Variants in MAP4K4 observed in about 807,000 individuals in gnomAD.
MAP4K4 encodes HPK/GCK-like kinase HGK.
MAP4K4 carries 38 observed loss-of-function variants against 189.6 expected under a neutral mutation model. The ratio of observed to expected loss-of-function variants is 0.20; its 90% CI spans 0.15 to 0.26. The LOEUF (loss-of-function observed/expected upper bound fraction) is 0.26, where lower values mean the gene tolerates loss of function less well. Ranked by LOEUF, MAP4K4 falls within the 10% of genes least tolerant of loss-of-function variation. MAP4K4 has a pLI of 1.00. For missense variants in MAP4K4, 1,054 were observed against 1,726.9 expected (o/e 0.61, Z 6.91); for synonymous variants, 610 against 624.3 (o/e 0.98, Z 0.34).
chr2:101,785,985 C>T (rs1216934722), intron 2 of MAP4K4, among the ~76,000 whole-genome samples: 1 of 152,034 alleles, frequency 6.6e-6, no homozygotes, highest in African/African-American at 2.4e-5. Flanking sequence ...GCCACCATGC[C>T]TGGCTGATTT....
exon 4 of MAP4K4, chr2:101,824,047 A>G (rs753752266): frequency 2.0e-6 from 3 of 1,496,046 alleles, no homozygotes; most frequent in East Asian, 2.9e-5. Flanking sequence ...ATGATGACCA[A>G]CTCTGGGTAG....
intron 2 of MAP4K4, among the ~76,000 whole-genome samples, chr2:101,758,990 G>A (rs894923475): frequency 1.1e-4 from 16 of 151,872 alleles, no homozygotes; most frequent in Admixed American, 3.9e-4. Flanking sequence ...AAAATTAGCC[G>A]GGCGTGGTGG....
intron 2 of MAP4K4, among the ~76,000 whole-genome samples, chr2:101,779,325 T>C (rs1425296469): frequency 6.6e-6 from 1 of 152,182 alleles, no homozygotes; most frequent in Non-Finnish European, 1.5e-5. Flanking sequence ...TTATGCAGAG[T>C]AGTCAGGGAA....
chr2:101,863,961 G>A (rs747443111), exon 17 of MAP4K4: 2 of 1,367,562 alleles, frequency 1.5e-6, no homozygotes, highest in Non-Finnish European at 2.0e-6. Context: ...GCAGTGAGGT[G>A]CTCAGTCAGA....
intron 15 of MAP4K4, 24 bp downstream of exon 15, chr2:101,859,888 A>G: frequency 6.4e-7 from 1 of 1,573,160 alleles, no homozygotes. Context: ...TTTGTCACTT[A>G]GACATTGCCC....
chr2:101,754,083 A>G (rs1041809932), intron 2 of MAP4K4, among the ~76,000 whole-genome samples: 12 of 152,184 alleles, frequency 7.9e-5, no homozygotes, highest in African/African-American at 2.7e-4. Context: ...TCAAATAATG[A>G]CATTGCTTTT....
chr2:101,803,911 C>A (rs2094636268), intron 3 of MAP4K4, among the ~76,000 whole-genome samples: 1 of 152,174 alleles, frequency 6.6e-6, no homozygotes, highest in Non-Finnish European at 1.5e-5. Context: ...AGAGAGTTGA[C>A]TTCTGTGGGT....
chr2:101,797,656 T>C (rs2148915922), intron 3 of MAP4K4, among the ~76,000 whole-genome samples: 1 of 151,448 alleles, frequency 6.6e-6, no homozygotes, highest in East Asian at 1.9e-4. Context: ...AGGCCACAAG[T>C]TTATTTATTT....
intron 2 of MAP4K4, among the ~76,000 whole-genome samples, chr2:101,767,901 C>T (rs2079350165): frequency 6.6e-6 from 1 of 152,174 alleles, no homozygotes; most frequent in Non-Finnish European, 1.5e-5. Context: ...TCCCCTCACC[C>T]CCCCTTACTT....
chr2:101,750,955 A>G (rs2068590111), intron 2 of MAP4K4, among the ~76,000 whole-genome samples: 1 of 152,034 alleles, frequency 6.6e-6, no homozygotes, highest in Non-Finnish European at 1.5e-5. Flanking sequence ...CTACCTTTTT[A>G]TCTTTTCACT....
rs374093343 is a variant in MAP4K4, at chr2:101,779,159, CCCTT to C, written c.124-11556_124-11553del. On this transcript the variant is annotated intron_variant, in intron 2 of 32. Transcript: ENST00000324219. Reference sequence around the variant, plus strand: ...CACACAGTGAGTGCTTCTTTATCGGCCCTTCCTTTGTGGAGTGAGAGAGGAGGTT... The same window carrying C: ...CACACAGTGAGTGCTTCTTTATCGGCCCTTTGTGGAGTGAGAGAGGAGGTT... Among the ~76,000 whole-genome samples, 284 of 151,620 alleles carry C rather than the reference CCCTT, an allele frequency of 1.9e-3. 2 individuals are homozygous for C. Among genetic ancestry groups the C allele is most frequent in the African/African-American group, 6.1e-3 (252 of 41,498 alleles).
At chr2:101,790,632 C>A in intron 2 of MAP4K4, 88 bp from the exon 3 acceptor site, 2 of 896,522 alleles carry the variant, frequency 2.2e-6, no homozygotes, top group Non-Finnish European at 3.6e-6. Context: ...AGTTGAGATA[C>A]GATTTGTTGG....
intron 11 of MAP4K4, among the ~76,000 whole-genome samples, chr2:101,843,764 G>GAAAAA (rs951355499): frequency 2.0e-5 from 3 of 150,942 alleles, no homozygotes; most frequent in African/African-American, 7.3e-5. Context: ...GTTTGCTGAA[G>GAAAAA]AAAAAAAAAG....
Position 101,877,334 on chromosome 2 carries a change from G to C in MAP4K4, c.3385+188G>C, listed in dbSNP as rs565240389. 2.6e-5 allele frequency among the ~76,000 whole-genome samples: 4 copies of C among 152,246 alleles called. No individual in the cohort carries two copies. In the East Asian group the frequency reaches 7.7e-4, roughly 29 times the overall value. ...GACACACACGCCCATTTGATCTCTG[G>C]CTCCTCCGAAAGCAGTCTTGAGAAG... On this transcript the variant is annotated intron_variant, in intron 27 of 32. Coordinates refer to ENST00000324219, the Ensembl canonical transcript of MAP4K4.
chr2:101,798,687 A>G (rs1434475066), intron 3 of MAP4K4, among the ~76,000 whole-genome samples: 2 of 152,224 alleles, frequency 1.3e-5, no homozygotes, highest in African/African-American at 2.4e-5. Flanking sequence ...AATGCTATAT[A>G]AGTAGTAGAC....
At chr2:101,792,605 TCC>T (rs1310127060) in intron 3 of MAP4K4, among the ~76,000 whole-genome samples, 2 of 142,218 alleles carry the variant, frequency 1.4e-5, no homozygotes, top group East Asian at 2.0e-4. Context: ...CTTCTCCTCC[TCC>T]TCCTCCTCCT....
chr2:101,891,018 C>T (rs2098558007), intron 32 of MAP4K4, 148 bp from the exon 33 acceptor site: 1 of 640,802 alleles, frequency 1.6e-6, no homozygotes, highest in African/African-American at 1.8e-5. Context: ...GCCACTGCAC[C>T]TGGCCTCAGA....
intron 28 of MAP4K4, among the ~76,000 whole-genome samples, chr2:101,883,221 TA>T (rs2098429484): frequency 6.6e-6 from 1 of 152,242 alleles, no homozygotes; most frequent in Non-Finnish European, 1.5e-5. Flanking sequence ...TGCTCCTTAC[TA>T]GTAAGTGAGC....
At chr2:101,883,277 T>C (rs2098431575) in intron 28 of MAP4K4, among the ~76,000 whole-genome samples, 1 of 152,228 alleles carries the variant, frequency 6.6e-6, no homozygotes, top group South Asian at 2.1e-4. Flanking sequence ...TTGTTTTTTC[T>C]CCTTGGCATG....
Sources: gnomAD v4.1 joint callset for allele counts (sites outside exome capture counted in the v4.1 genomes callset) on GRCh38, gnomAD v4.1.1 for gene constraint, MANE v1.5 for transcripts, NCBI Gene and HGNC (gene_info 2026-07-23, HGNC 2026-07-21) for gene names.